The following CTNNA3 variants were observed in gnomAD, a reference collection of about 807,000 sequenced individuals.
CTNNA3 encodes the protein catenin alpha-3.
In CTNNA3, 76 loss-of-function variants were observed where a neutral mutation model predicts 95.7. The ratio of observed to expected loss-of-function variants is 0.79; its 90% CI spans 0.66 to 0.96. The LOEUF (loss-of-function observed/expected upper bound fraction) is 0.96, where lower values mean the gene tolerates loss of function less well. Among genes scored for constraint, CTNNA3 ranks in the 40% least tolerant of loss-of-function variants. The probability of loss-of-function intolerance (pLI) is 0.00; values close to 1 mark genes in which losing one functional copy is unlikely to be tolerated. For synonymous variants in CTNNA3, 431 were observed against 374.4 expected (o/e 1.15, Z -1.74); for missense variants, 1,191 against 1,089.8 (o/e 1.09, Z -1.31).
chr10:65,989,915 C>T (rs1014335615), intron 15 of CTNNA3, among the ~76,000 whole-genome samples: 4 of 152,120 alleles, frequency 2.6e-5, no homozygotes, highest in Non-Finnish European at 5.9e-5. Context: ...TTCTACTTTC[C>T]ACCTCCATGA....
chr10:67,430,046 A>T (rs2394374), intron 5 of CTNNA3, among the ~76,000 whole-genome samples: 1 of 151,348 alleles, frequency 6.6e-6, no homozygotes, highest in Non-Finnish European at 1.5e-5. Flanking sequence ...TGAGAAGAGT[A>T]TATTACTTTC....
At chr10:66,746,727 G>A (rs966846195) in intron 9 of CTNNA3, among the ~76,000 whole-genome samples, 4 of 152,096 alleles carry the variant, frequency 2.6e-5, no homozygotes, top group Admixed American at 6.5e-5. Flanking sequence ...GAGAGATGAA[G>A]GTGAGAGTCC....
chr10:67,016,248 G>A (rs1005236858), intron 7 of CTNNA3, among the ~76,000 whole-genome samples: 2 of 152,230 alleles, frequency 1.3e-5, no homozygotes, highest in African/African-American at 4.8e-5. Flanking sequence ...GGGAGGGGAA[G>A]AGGAAGGGGA....
In CTNNA3 at chr10:67,123,324, T is replaced by C. The variant is rs115649060; in HGVS notation, c.1047+56993A>G. On this transcript the variant is annotated intron_variant, in intron 7 of 17. Coordinates refer to ENST00000433211, the MANE Select transcript of CTNNA3 (RefSeq NM_013266.4). ...GTATCTGCTTGATGTATGCTAGTCC[T>C]GGAAAAAAATTATTCCAATGAACGG... 5.4e-3 allele frequency among the ~76,000 whole-genome samples: 818 copies of C among 152,274 alleles called. 7 individuals are homozygous for C. Among genetic ancestry groups the C allele is most frequent in the African/African-American group, 0.019 (783 of 41,566 alleles).
intron 5 of CTNNA3, among the ~76,000 whole-genome samples, chr10:67,470,782 G>T (rs530873276): frequency 6.6e-6 from 1 of 151,740 alleles, no homozygotes; most frequent in Admixed American, 6.6e-5. Flanking sequence ...AAGATTTTTT[G>T]TCTTTTTCTT....
At chr10:66,348,733 G>T (rs72802865) in intron 12 of CTNNA3, among the ~76,000 whole-genome samples, 1 of 152,116 alleles carries the variant, frequency 6.6e-6, no homozygotes, top group East Asian at 1.9e-4. Context: ...TTTACTCTAC[G>T]AGTGTCCGCT....
At chr10:66,069,526 C>T (rs375094745) in intron 14 of CTNNA3, 37 bp from the exon 15 acceptor site, 14 of 1,512,822 alleles carry the variant, frequency 9.3e-6, no homozygotes, top group Non-Finnish European at 1.2e-5. Flanking sequence ...AATCATTCCA[C>T]TATGTCAAAA....
intron 7 of CTNNA3, among the ~76,000 whole-genome samples, chr10:66,903,328 C>T (rs1221529546): frequency 2.0e-5 from 3 of 152,084 alleles, no homozygotes; most frequent in African/African-American, 7.2e-5. Context: ...AATTCAATAG[C>T]CCTTCCTGCT....
At chr10:67,306,326 T>C (rs2132512462) in intron 5 of CTNNA3, among the ~76,000 whole-genome samples, 1 of 152,334 alleles carries the variant, frequency 6.6e-6, no homozygotes, top group South Asian at 2.1e-4. Context: ...TAAGAGACAC[T>C]ACTGACACAA....
intron 12 of CTNNA3, among the ~76,000 whole-genome samples, chr10:66,373,063 T>G (rs1311295035): frequency 2.0e-5 from 3 of 152,128 alleles, no homozygotes; most frequent in Non-Finnish European, 4.4e-5. Context: ...ACAATAAAAT[T>G]TCTATCACTG....
intron 15 of CTNNA3, among the ~76,000 whole-genome samples, chr10:66,065,023 G>A (rs1394437990): frequency 2.6e-5 from 4 of 152,068 alleles, no homozygotes; most frequent in Admixed American, 6.6e-5. Context: ...ATAGAGGCAG[G>A]AAATATGGGA....
At chr10:67,543,344 A>G (rs1202623253) in intron 3 of CTNNA3, among the ~76,000 whole-genome samples, 2 of 152,028 alleles carry the variant, frequency 1.3e-5, no homozygotes, top group African/African-American at 4.8e-5. Context: ...TTATATGATC[A>G]AATAAATAAA....
chr10:66,548,495 T>G (rs1842107312), intron 10 of CTNNA3, among the ~76,000 whole-genome samples: 1 of 152,142 alleles, frequency 6.6e-6, no homozygotes, highest in African/African-American at 2.4e-5. Context: ...GTAAACATCT[T>G]TATTTTATTT....
At chr10:65,941,911 T>C (rs934676691) in intron 17 of CTNNA3, among the ~76,000 whole-genome samples, 1 of 152,206 alleles carries the variant, frequency 6.6e-6, no homozygotes, top group African/African-American at 2.4e-5. Context: ...GTGTATGTCT[T>C]ATTTCTAGAA....
Position 66,014,931 on chromosome 10 carries a change from C to T in CTNNA3, c.2160-26134G>A, listed in dbSNP as rs527795000. Among the ~76,000 whole-genome samples, 352 of 151,906 alleles carry T rather than the reference C, an allele frequency of 2.3e-3. 1 individual carries two copies. Among genetic ancestry groups the T allele is most frequent in the African/African-American group, 3.4e-3 (140 of 41,452 alleles). On this transcript the variant is annotated intron_variant, in intron 15 of 17. Coordinates refer to ENST00000433211, the MANE Select transcript of CTNNA3 (RefSeq NM_013266.4). Reference sequence around the variant, plus strand: ...CATCCTGGCCAACATGGTGAAACCCCGTCTCTACTAAAAATACAAAAATTA... The same window carrying T: ...CATCCTGGCCAACATGGTGAAACCCTGTCTCTACTAAAAATACAAAAATTA...
intron 11 of CTNNA3, among the ~76,000 whole-genome samples, chr10:66,416,183 A>T (rs930548543): frequency 7.9e-5 from 12 of 152,160 alleles, no homozygotes; most frequent in African/African-American, 2.7e-4. Flanking sequence ...TACATTTAAA[A>T]GCTTCAACCA....
chr10:67,570,272 T>C (rs1204222678), intron 3 of CTNNA3, among the ~76,000 whole-genome samples: 1 of 152,018 alleles, frequency 6.6e-6, no homozygotes, highest in Non-Finnish European at 1.5e-5. Flanking sequence ...CTTCTTCCTC[T>C]TGTCTCTTTT....
intron 10 of CTNNA3, among the ~76,000 whole-genome samples, chr10:66,567,900 C>T (rs1329044090): frequency 6.6e-6 from 1 of 152,188 alleles, no homozygotes; most frequent in African/African-American, 2.4e-5. Flanking sequence ...ACTTCATTTG[C>T]TCTTCTGACT....
chr10:65,956,409 G>A (rs561943525), intron 17 of CTNNA3, among the ~76,000 whole-genome samples: 21 of 152,240 alleles, frequency 1.4e-4, no homozygotes, highest in Admixed American at 9.2e-4. Context: ...TCTGATCTTA[G>A]TTATTCTTGC....
Sources: allele counts gnomAD v4.1 joint callset (sites outside exome capture counted in the v4.1 genomes callset), GRCh38; gene constraint gnomAD v4.1.1; transcripts MANE v1.5; gene names NCBI Gene and HGNC (gene_info 2026-07-23, HGNC 2026-07-21).